COL21A1: variants seen among roughly 807,000 people sequenced by gnomAD.
The protein encoded by COL21A1 is collagen alpha-1(XXI) chain.
Under a neutral mutation model 137.9 loss-of-function variants are expected in COL21A1, and 149 were observed. The ratio of observed to expected loss-of-function variants is 1.08; its 90% CI spans 0.95 to 1.24. The LOEUF (loss-of-function observed/expected upper bound fraction) is 1.24, where lower values mean the gene tolerates loss of function less well. Ranked by LOEUF, COL21A1 falls within the 50% of genes most tolerant of loss-of-function variation. COL21A1 has a pLI of 0.00. For missense variants in COL21A1, 1,167 were observed against 1,158.4 expected (o/e 1.01, Z -0.11); for synonymous variants, 456 against 391.5 (o/e 1.16, Z -1.95).
chr6:56,061,368 G>A (rs944671382), intron 25 of COL21A1, among the ~76,000 whole-genome samples: 1 of 152,046 alleles, frequency 6.6e-6, no homozygotes, highest in Non-Finnish European at 1.5e-5. Flanking sequence ...GGGTCCGACA[G>A]ATACAGAAAT....
At chr6:56,196,807 A>G (rs1303362062) in intron 1 of COL21A1, among the ~76,000 whole-genome samples, 3 of 152,106 alleles carry the variant, frequency 2.0e-5, no homozygotes, top group Non-Finnish European at 2.9e-5. Flanking sequence ...CATACCACCC[A>G]AAGGGATCTA....
intron 17 of COL21A1, among the ~76,000 whole-genome samples, chr6:56,084,361 A>G (rs1053823404): frequency 2.2e-4 from 33 of 152,010 alleles, no homozygotes; most frequent in African/African-American, 7.9e-4. Context: ...GTTTCAGTGG[A>G]TCCAATTTGT....
intron 3 of COL21A1, among the ~76,000 whole-genome samples, chr6:56,177,667 C>T (rs1777592453): frequency 1.3e-5 from 2 of 151,712 alleles, no homozygotes; most frequent in Admixed American, 1.3e-4. Flanking sequence ...TGGTGGGCGC[C>T]TGTAGTCCCA....
chr6:56,129,928 A>C (rs2152220102), intron 12 of COL21A1, among the ~76,000 whole-genome samples: 1 of 145,594 alleles, frequency 6.9e-6, no homozygotes, highest in Non-Finnish European at 1.5e-5. Context: ...CCTAACCCAA[A>C]CTACCTTTTG....
At chr6:56,159,234 C>A (rs1186418531) in intron 9 of COL21A1, among the ~76,000 whole-genome samples, 6 of 152,036 alleles carry the variant, frequency 3.9e-5, no homozygotes, top group African/African-American at 1.4e-4. Context: ...GCTATGATAG[C>A]TCTTAAATCA....
At chr6:56,294,250 G>A (rs1490097917) in intron 1 of COL21A1, among the ~76,000 whole-genome samples, 2 of 152,008 alleles carry the variant, frequency 1.3e-5, no homozygotes, top group Non-Finnish European at 2.9e-5. Flanking sequence ...ATTGTGTGAG[G>A]GCTTAACTTT....
chr6:56,315,210 G>A (rs1764703752), intron 1 of COL21A1, among the ~76,000 whole-genome samples: 1 of 152,172 alleles, frequency 6.6e-6, no homozygotes, highest in Non-Finnish European at 1.5e-5. Context: ...CTCATGGAGA[G>A]GCCCTGAGCG....
chr6:56,181,345 G>A (rs1777874038), intron 2 of COL21A1, among the ~76,000 whole-genome samples: 1 of 152,136 alleles, frequency 6.6e-6, no homozygotes, highest in Admixed American at 6.5e-5. Context: ...TGGAAGCTTG[G>A]AAGCTGGATG....
intron 1 of COL21A1, among the ~76,000 whole-genome samples, chr6:56,282,758 T>C (rs2152334189): frequency 6.6e-6 from 1 of 150,506 alleles, no homozygotes; most frequent in African/African-American, 2.4e-5. Context: ...ACACATATTA[T>C]CTACACACAC....
chr6:56,060,315 G>A (rs1324244652), intron 27 of COL21A1, 97 bp from the exon 28 acceptor site: 24 of 975,346 alleles, frequency 2.5e-5, no homozygotes, highest in South Asian at 1.5e-4. Context: ...AAAAAACTAC[G>A]AACATTGAAT....
intron 1 of COL21A1, among the ~76,000 whole-genome samples, chr6:56,336,849 A>G (rs1053731175): frequency 8.5e-5 from 13 of 152,226 alleles, no homozygotes; most frequent in African/African-American, 2.4e-4. Context: ...ACGTCAAACC[A>G]GTTATTTGGT....
chr6:56,311,601 A>G (rs1447128682), intron 1 of COL21A1, among the ~76,000 whole-genome samples: 1 of 152,228 alleles, frequency 6.6e-6, no homozygotes, highest in Non-Finnish European at 1.5e-5. Flanking sequence ...TAAGGTGCTT[A>G]TAGTTGTGTG....
intron 1 of COL21A1, among the ~76,000 whole-genome samples, chr6:56,221,816 A>C (rs1391412286): frequency 6.6e-6 from 1 of 152,136 alleles, no homozygotes; most frequent in African/African-American, 2.4e-5. Flanking sequence ...CAGTGTTTCC[A>C]TGGTAATGCT....
intron 1 of COL21A1, among the ~76,000 whole-genome samples, chr6:56,301,861 C>T (rs200122785): frequency 8.5e-6 from 1 of 117,192 alleles, no homozygotes; most frequent in African/African-American, 2.9e-5. Flanking sequence ...TTCTCCCCCC[C>T]CCAATCCCAC....
chr6:56,232,015 A>C (rs1045680678), intron 1 of COL21A1, among the ~76,000 whole-genome samples: 1 of 151,786 alleles, frequency 6.6e-6, no homozygotes, highest in Admixed American at 6.6e-5. Flanking sequence ...AACACACACA[A>C]AAAAAGTTAG....
intron 12 of COL21A1, among the ~76,000 whole-genome samples, chr6:56,140,258 A>G (rs1018017536): frequency 2.0e-5 from 3 of 152,204 alleles, no homozygotes; most frequent in Non-Finnish European, 2.9e-5. Flanking sequence ...TTAGTTACCA[A>G]CTGAAGACTA....
chr6:56,297,579 T>C (rs1194380504), intron 1 of COL21A1, among the ~76,000 whole-genome samples: 2 of 152,150 alleles, frequency 1.3e-5, no homozygotes, highest in Non-Finnish European at 2.9e-5. Flanking sequence ...TTTTACTGAC[T>C]GTAACTTATT....
chr6:56,291,027 A>C (rs1341863701), intron 1 of COL21A1, among the ~76,000 whole-genome samples: 3 of 152,008 alleles, frequency 2.0e-5, no homozygotes, highest in African/African-American at 7.3e-5. Flanking sequence ...ATTACCCGGG[A>C]GCTTGTCAGA....
At chr6:56,367,784 A>C (rs950372893) in intron 1 of COL21A1, among the ~76,000 whole-genome samples, 4 of 152,196 alleles carry the variant, frequency 2.6e-5, no homozygotes, top group African/African-American at 9.6e-5. Flanking sequence ...GAGGAATCAC[A>C]GCTCACTGCA....
Sources: allele counts gnomAD v4.1 joint callset (sites outside exome capture counted in the v4.1 genomes callset), GRCh38; gene constraint gnomAD v4.1.1; transcripts MANE v1.5; gene names NCBI Gene and HGNC (gene_info 2026-07-23, HGNC 2026-07-21).